Variants in KCNMB4 observed in about 807,000 individuals in gnomAD.
KCNMB4 encodes the protein calcium-activated potassium channel subunit beta-4.
Under a neutral mutation model 20.7 loss-of-function variants are expected in KCNMB4, and 3 were observed. The observed-to-expected ratio is 0.14, with a 90% confidence interval of 0.07 to 0.37. The LOEUF (loss-of-function observed/expected upper bound fraction) is 0.37. KCNMB4 is among the 10% of genes least tolerant of loss of function. The pLI, the probability that KCNMB4 is intolerant of heterozygous loss-of-function variation, is 1.00. For synonymous variants in KCNMB4, 110 were observed against 113.4 expected, an observed-to-expected ratio of 0.97 and a Z score of 0.19; for missense variants, 168 against 265.9, an observed-to-expected ratio of 0.63 and a Z score of 2.56.
chr12:70,418,442 T>C (rs1868966735), intron 2 of KCNMB4, among the ~76,000 whole-genome samples: 1 of 152,224 alleles, frequency 6.6e-6, no homozygotes. Flanking sequence ...CTATGCTTGG[T>C]GTAGCCTATG....
chr12:70,410,046 C>T (rs1031007774), intron 2 of KCNMB4, among the ~76,000 whole-genome samples: 2 of 152,198 alleles, frequency 1.3e-5, no homozygotes, highest in African/African-American at 2.4e-5. Flanking sequence ...TGCCTTTGCT[C>T]CTGTCTCTTT....
chr12:70,428,794 G>A (rs710646), intron 2 of KCNMB4, among the ~76,000 whole-genome samples: 79,032 of 152,048 alleles, frequency 0.52, 21,467 homozygotes, highest in African/African-American at 0.7. Flanking sequence ...ATACATCAAT[G>A]TATACACATA....
intron 2 of KCNMB4, among the ~76,000 whole-genome samples, chr12:70,413,637 C>CT (rs1374774048): frequency 6.6e-6 from 1 of 152,178 alleles, no homozygotes; most frequent in Non-Finnish European, 1.5e-5. Context: ...GACTCATAGA[C>CT]TGTCAAATCT....
chr12:70,415,158 A>G (rs1421973479), intron 2 of KCNMB4, among the ~76,000 whole-genome samples: 2 of 152,218 alleles, frequency 1.3e-5, no homozygotes, highest in African/African-American at 4.8e-5. Context: ...AGGCATTATT[A>G]ACACAATCCT....
chr12:70,422,619 G>T, intron 2 of KCNMB4: 2 of 1,029,540 alleles, frequency 1.9e-6, no homozygotes, highest in Admixed American at 2.7e-5. Context: ...AAGCCTTTTT[G>T]TGCCAAGCTG....
chr12:70,395,711 A>C (rs895230608), intron 1 of KCNMB4, among the ~76,000 whole-genome samples: 4 of 152,208 alleles, frequency 2.6e-5, no homozygotes, highest in African/African-American at 4.8e-5. Context: ...TCATGAATGC[A>C]AAAGTTCAAA....
chr12:70,402,289 T>C (rs1486472430), intron 2 of KCNMB4, among the ~76,000 whole-genome samples: 1 of 152,126 alleles, frequency 6.6e-6, no homozygotes, highest in African/African-American at 2.4e-5. Context: ...GTGTTGCAGG[T>C]AATCAGAATT....
chr12:70,402,215 C>T (rs1226715912), intron 2 of KCNMB4, among the ~76,000 whole-genome samples: 2 of 152,116 alleles, frequency 1.3e-5, no homozygotes, highest in African/African-American at 4.8e-5. Flanking sequence ...CAGATATCAC[C>T]TTCTCTGGGG....
At chr12:70,415,800 AT>A (rs74410248) in intron 2 of KCNMB4, among the ~76,000 whole-genome samples, 10,975 of 152,288 alleles carry the variant, frequency 0.072, 605 homozygotes, top group Admixed American at 0.17. Flanking sequence ...AACAACAAAC[AT>A]TTATGAGCAC....
chr12:70,392,368 C>T (rs999489479), intron 1 of KCNMB4, among the ~76,000 whole-genome samples: 10 of 152,138 alleles, frequency 6.6e-5, no homozygotes, highest in African/African-American at 2.4e-4. Flanking sequence ...TGCTTTTACA[C>T]TGTTGGTGGG....
At chr12:70,406,059 G>GA (rs1214569517) in intron 2 of KCNMB4, among the ~76,000 whole-genome samples, 2 of 152,178 alleles carry the variant, frequency 1.3e-5, no homozygotes, top group Admixed American at 6.5e-5. Flanking sequence ...CCACTTATAT[G>GA]AAGTATCTAA....
chr12:70,404,097 A>G (rs1485690251), intron 2 of KCNMB4, among the ~76,000 whole-genome samples: 1 of 152,238 alleles, frequency 6.6e-6, no homozygotes, highest in Non-Finnish European at 1.5e-5. Context: ...AGGCTTGACA[A>G]TGTAAGATAC....
intron 2 of KCNMB4, among the ~76,000 whole-genome samples, chr12:70,401,401 T>A (rs1868446183): frequency 6.6e-6 from 1 of 152,164 alleles, no homozygotes; most frequent in African/African-American, 2.4e-5. Flanking sequence ...ACATCCAGAT[T>A]TCTCAGCTCC....
chr12:70,403,519 A>G (rs1183071582), intron 2 of KCNMB4, among the ~76,000 whole-genome samples: 5 of 152,112 alleles, frequency 3.3e-5, no homozygotes, highest in African/African-American at 7.2e-5. Flanking sequence ...TATTTAGTAG[A>G]AACGGGGTTT....
rs539554644 is a variant in KCNMB4 at position 70,368,063 on chromosome 12, C to T, written c.336+993C>T. 2.0e-4 allele frequency among the ~76,000 whole-genome samples: 31 copies of T among 152,114 alleles called. No individual in the cohort carries two copies. In the South Asian group the frequency reaches 6.2e-3, roughly 31 times the overall value. ...TACTTCCCTTGATCTTTTCTGCTCTCCTTGTTGCTTAACTATCAAAGGTAT... is the reference window on the plus strand; with the variant it reads ...TACTTCCCTTGATCTTTTCTGCTCTTCTTGTTGCTTAACTATCAAAGGTAT... On this transcript the variant is annotated intron_variant, in intron 1 of 2. Coordinates refer to ENST00000258111, the MANE Select transcript of KCNMB4 (RefSeq NM_014505.6).
At chr12:70,414,989 A>G (rs979297746) in intron 2 of KCNMB4, among the ~76,000 whole-genome samples, 18 of 152,200 alleles carry the variant, frequency 1.2e-4, no homozygotes, top group African/African-American at 4.3e-4. Context: ...GTTATCGATA[A>G]AAATGCTGAA....
At chr12:70,383,807 G>T (rs542856453) in intron 1 of KCNMB4, among the ~76,000 whole-genome samples, 1 of 152,138 alleles carries the variant, frequency 6.6e-6, no homozygotes, top group Non-Finnish European at 1.5e-5. Context: ...GGTGGCTTAC[G>T]CCTGTAATCC....
At chr12:70,399,229 A>G (rs1306842859) in intron 1 of KCNMB4, among the ~76,000 whole-genome samples, 1 of 152,184 alleles carries the variant, frequency 6.6e-6, no homozygotes, top group Non-Finnish European at 1.5e-5. Flanking sequence ...ATGTGACTGA[A>G]ATTATACTAT....
rs1461729745 is a variant in KCNMB4, at chr12:70,432,675, A to T, written c.*2022A>T. ...CTTTTGAGGCAGCTCCAGTGCCTTG[A>T]CTTCAATCCCAGTTTCCGGTTGCAG... On this transcript the variant is annotated 3_prime_UTR_variant, in exon 3 of 3. Coordinates refer to ENST00000258111, the MANE Select transcript of KCNMB4 (RefSeq NM_014505.6). 2 of 152,232 alleles carry T rather than the reference A, an allele frequency of 1.3e-5. No individual in the cohort carries two copies. The highest frequency in any genetic ancestry group is 4.8e-5 in the African/African-American group (2 of 41,462). 9.4% of individuals were successfully genotyped at this position (152,232 alleles called of 1,614,324 possible).
Sources: allele counts gnomAD v4.1 joint callset (sites outside exome capture counted in the v4.1 genomes callset), GRCh38; gene constraint gnomAD v4.1.1; transcripts MANE v1.5; gene names NCBI Gene and HGNC (gene_info 2026-07-23, HGNC 2026-07-21).